The following SRGAP3 variants were observed in gnomAD, a reference collection of about 807,000 sequenced individuals.
The protein encoded by SRGAP3 is SLIT-ROBO Rho GTPase activating protein 3.
SRGAP3 carries 39 observed loss-of-function variants against 121.1 expected under a neutral mutation model. That is an observed-to-expected ratio of 0.32 (90% CI 0.25 to 0.42). The LOEUF (loss-of-function observed/expected upper bound fraction) is 0.42, where lower values mean the gene tolerates loss of function less well. Ranked by LOEUF, SRGAP3 falls within the 10% of genes least tolerant of loss-of-function variation. The pLI, the probability that SRGAP3 is intolerant of heterozygous loss-of-function variation, is 1.00. For synonymous variants in SRGAP3, 601 were observed against 570.0 expected (o/e 1.05, Z -0.77); for missense variants, 1,213 against 1,470.6 (o/e 0.82, Z 2.86).
At chr3:9,354,509 C>G (rs550211221) in intron 1 of SRGAP3, among the ~76,000 whole-genome samples, 1 of 151,840 alleles carries the variant, frequency 6.6e-6, no homozygotes, top group African/African-American at 2.4e-5. Context: ...GAAACCCGGT[C>G]TCTACTAAAA....
At chr3:9,025,659 A>G (rs540416154) in intron 13 of SRGAP3, among the ~76,000 whole-genome samples, 1 of 152,322 alleles carries the variant, frequency 6.6e-6, no homozygotes, top group South Asian at 2.1e-4. Context: ...TAGACTCCAG[A>G]GTATATTCTG....
intron 3 of SRGAP3, among the ~76,000 whole-genome samples, chr3:9,086,055 C>A (rs1310750394): frequency 1.3e-5 from 2 of 152,214 alleles, no homozygotes; most frequent in Non-Finnish European, 2.9e-5. Flanking sequence ...TACCCTGCTG[C>A]CTCACCTGCC....
At chr3:9,137,158 G>T (rs760322159) in intron 1 of SRGAP3, among the ~76,000 whole-genome samples, 1 of 152,178 alleles carries the variant, frequency 6.6e-6, no homozygotes, top group Non-Finnish European at 1.5e-5. Context: ...TAAGAAATCT[G>T]TTGGCCCCAA....
intron 5 of SRGAP3, 142 bp from the exon 6 acceptor site, chr3:9,060,501 A>C: frequency 1.7e-6 from 2 of 1,147,026 alleles, no homozygotes; most frequent in Non-Finnish European, 2.4e-6. Flanking sequence ...ATCATAGCTC[A>C]CTTCAGCCTT....
intron 3 of SRGAP3, among the ~76,000 whole-genome samples, chr3:9,094,462 G>T (rs141020365): frequency 5.3e-5 from 8 of 152,138 alleles, no homozygotes; most frequent in Admixed American, 5.2e-4. Flanking sequence ...GAGCAGATAC[G>T]CTAGAATATC....
chr3:9,307,374 T>A (rs1380403205), intron 3 of SRGAP3, among the ~76,000 whole-genome samples: 1 of 152,170 alleles, frequency 6.6e-6, no homozygotes, highest in African/African-American at 2.4e-5. Flanking sequence ...TCCTGGGGGC[T>A]GGAAATGCTG....
At chr3:9,316,591 C>T (rs1223431680) in intron 3 of SRGAP3, among the ~76,000 whole-genome samples, 13 of 151,910 alleles carry the variant, frequency 8.6e-5, no homozygotes, top group African/African-American at 1.7e-4. Context: ...ACCCAGGAGG[C>T]GGAGGTTGCA....
chr3:8,990,437 C>A (rs1407480764), intron 21 of SRGAP3, 75 bp downstream of exon 21: 2 of 1,529,392 alleles, frequency 1.3e-6, no homozygotes, highest in African/African-American at 2.8e-5. Context: ...CAAGGTGGCT[C>A]CCCGCTCCAC....
At chr3:9,270,103 G>A (rs575923850) in intron 3 of SRGAP3, among the ~76,000 whole-genome samples, 23 of 152,248 alleles carry the variant, frequency 1.5e-4, no homozygotes, top group African/African-American at 5.3e-4. Flanking sequence ...TGCTAGTCTG[G>A]AGACTAGACT....
At chr3:9,056,150 G>C in intron 8 of SRGAP3, 83 bp downstream of exon 8, 1 of 1,219,596 alleles carries the variant, frequency 8.2e-7, no homozygotes, top group Non-Finnish European at 1.2e-6. Context: ...CATTTCTTAT[G>C]CACTTCGTGG....
chr3:9,267,928 C>A (rs1436506015), intron 3 of SRGAP3, among the ~76,000 whole-genome samples: 1 of 142,858 alleles, frequency 7.0e-6, no homozygotes, highest in East Asian at 1.9e-4. Context: ...ATAGCTACAG[C>A]TATTGCTGTT....
At chr3:9,256,976 T>C (rs909934268) in intron 3 of SRGAP3, 23 of 397,180 alleles carry the variant, frequency 5.8e-5, no homozygotes, top group Admixed American at 2.6e-4. Context: ...TGTGTGACCT[T>C]GGGCAAGTTG....
chr3:9,167,645 G>C (rs1950837574), intron 1 of SRGAP3, among the ~76,000 whole-genome samples: 1 of 152,180 alleles, frequency 6.6e-6, no homozygotes, highest in African/African-American at 2.4e-5. Context: ...GGATGTGCTG[G>C]TTTTAAGAAA....
rs543987379 is a variant in SRGAP3, at chr3:9,330,804, G to C, written n.215-208C>G. 3.9e-5 allele frequency among the ~76,000 whole-genome samples: 6 copies of C among 152,268 alleles called. No individual in the cohort carries two copies. The South Asian group carries it at 1.2e-3, about 32-fold the overall frequency. ...TACAGAAACAGTGAGATTGATTACAGCTCAGCATTTGCCTTATTTGAATGG... is the reference window on the plus strand; with the variant it reads ...TACAGAAACAGTGAGATTGATTACACCTCAGCATTTGCCTTATTTGAATGG... On this transcript the variant is annotated intron_variant and non_coding_transcript_variant, in intron 1 of 3. Transcript: ENST00000490889.
At chr3:9,062,794 T>C (rs1946236667) in intron 5 of SRGAP3, among the ~76,000 whole-genome samples, 1 of 152,258 alleles carries the variant, frequency 6.6e-6, no homozygotes, top group Admixed American at 6.5e-5. Flanking sequence ...ATCTGAGTCA[T>C]TTCCATCTTT....
At chr3:9,302,789 A>T (rs1267400780) in intron 3 of SRGAP3, among the ~76,000 whole-genome samples, 2 of 152,132 alleles carry the variant, frequency 1.3e-5, no homozygotes, top group Non-Finnish European at 2.9e-5. Context: ...AGAATGTCCC[A>T]GAACAGCCAC....
At chr3:9,094,354 T>A (rs1447745921) in intron 3 of SRGAP3, among the ~76,000 whole-genome samples, 1 of 152,232 alleles carries the variant, frequency 6.6e-6, no homozygotes, top group Non-Finnish European at 1.5e-5. Context: ...ACCCACAACC[T>A]ATTTAACCAT....
intron 14 of SRGAP3, among the ~76,000 whole-genome samples, chr3:9,024,044 G>T (rs1461649870): frequency 6.6e-6 from 1 of 152,180 alleles, no homozygotes; most frequent in Non-Finnish European, 1.5e-5. Context: ...GCTCCTTTGG[G>T]GTGGTAGGGG....
intron 3 of SRGAP3, among the ~76,000 whole-genome samples, chr3:9,260,654 G>A (rs1023335679): frequency 3.3e-5 from 5 of 152,230 alleles, no homozygotes; most frequent in Non-Finnish European, 7.3e-5. Context: ...CCCAGTCAGC[G>A]GCTTATAGAT....
Sources: allele counts gnomAD v4.1 joint callset (sites outside exome capture counted in the v4.1 genomes callset), GRCh38; gene constraint gnomAD v4.1.1; transcripts MANE v1.5; gene names NCBI Gene and HGNC (gene_info 2026-07-23, HGNC 2026-07-21).